Variants in AKAP12 observed in about 807,000 individuals in gnomAD.
The protein encoded by AKAP12 is A-kinase anchor protein 12.
Under a neutral mutation model 79.9 loss-of-function variants are expected in AKAP12, and 32 were observed. That is an observed-to-expected ratio of 0.40 (90% CI 0.30 to 0.54). AKAP12 has a LOEUF of 0.54. Among genes scored for constraint, AKAP12 ranks in the 20% least tolerant of loss-of-function variants. AKAP12 has a pLI of 0.48. For missense variants in AKAP12, 2,074 were observed against 2,177.0 expected, an observed-to-expected ratio of 0.95 and a Z score of 0.94; for synonymous variants, 808 against 857.0, an observed-to-expected ratio of 0.94 and a Z score of 1.00.
chr6:151,333,739 CAAA>C (rs11292037), intron 3 of AKAP12, among the ~76,000 whole-genome samples: 10 of 125,116 alleles, frequency 8.0e-5, no homozygotes, highest in Admixed American at 8.6e-5. Flanking sequence ...ACTGTGACTT[CAAA>C]AAAAAAAAAA....
At position 151,281,144 on chromosome 6, in the gene AKAP12, C is replaced by T. The variant is rs141326737; in HGVS notation, c.163-24603C>T. ...GTAGAAGGGGCATGTGCGTGGTGTT[C>T]AGGATGTGGATTTGAATCCCCAACT... On this transcript the variant is annotated intron_variant, in intron 2 of 4. Coordinates refer to ENST00000402676, the MANE Select transcript of AKAP12 (RefSeq NM_005100.4). Among the ~76,000 whole-genome samples, 495 of 152,254 alleles carry T rather than the reference C, an allele frequency of 3.3e-3. 1 individual carries two copies. Among genetic ancestry groups the T allele is most frequent in the Non-Finnish European group, 5.6e-3 (381 of 68,012 alleles).
chr6:151,343,904 A>T, intron 3 of AKAP12: 2 of 439,722 alleles, frequency 4.5e-6, no homozygotes, highest in Non-Finnish European at 8.5e-6. Context: ...AGAAACTTAA[A>T]GCATTTTCTT....
At chr6:151,277,259 G>A (rs1308563078) in intron 2 of AKAP12, among the ~76,000 whole-genome samples, 2 of 152,194 alleles carry the variant, frequency 1.3e-5, no homozygotes, top group Admixed American at 1.3e-4. Flanking sequence ...AGTTATGAAT[G>A]TCACGTAGAC....
intron 3 of AKAP12, among the ~76,000 whole-genome samples, chr6:151,315,908 C>A (rs1777222929): frequency 6.6e-6 from 1 of 152,080 alleles, no homozygotes; most frequent in African/African-American, 2.4e-5. Context: ...CTTATAAAAC[C>A]ACCAGATCTC....
At chr6:151,354,321 G>C (rs1221117944) in intron 4 of AKAP12, among the ~76,000 whole-genome samples, 1 of 130,540 alleles carries the variant, frequency 7.7e-6, no homozygotes, top group Non-Finnish European at 1.5e-5. Context: ...GACCCTCACT[G>C]TGTTAGTTAC....
chr6:151,268,614 G>A (rs1776105419), intron 2 of AKAP12, among the ~76,000 whole-genome samples: 1 of 152,070 alleles, frequency 6.6e-6, no homozygotes, highest in African/African-American at 2.4e-5. Flanking sequence ...TTCCATTTTG[G>A]AAAAGACTTG....
Position 151,351,676 on chromosome 6 carries a change from A to G in AKAP12, c.3285A>G (p.Lys1095=), listed in dbSNP as rs1199282235. ...AGAAAGAGACGGATGTAGTGTTGAA[A>G]GTAGATGCTCAGGAGGCAAAAACTG... ...GLKKETDVVL[K]VDAQEAKTEP... is the part of the protein sequence containing the mutation. Residue 1095 remains lysine, a synonymous_variant, in exon 4 of 5, where the codon AAA becomes AAG. Transcript: ENST00000402676. This position sits in a 1 kb window ranked among gnomAD's most constrained non-coding sequence, Gnocchi z 4.4. 2 of 1,614,082 alleles carry G rather than the reference A, an allele frequency of 1.2e-6. No individual in the cohort carries two copies. The highest frequency in any genetic ancestry group is 2.7e-5 in the African/African-American group (2 of 74,940).
At chr6:151,329,361 C>A (rs1282924581) in intron 3 of AKAP12, among the ~76,000 whole-genome samples, 2 of 152,244 alleles carry the variant, frequency 1.3e-5, no homozygotes, top group African/African-American at 2.4e-5. Context: ...GGTGATCCAC[C>A]CGCCTCAGCC....
chr6:151,280,842 T>A (rs571065613), intron 2 of AKAP12, among the ~76,000 whole-genome samples: 1 of 152,196 alleles, frequency 6.6e-6, no homozygotes, highest in South Asian at 2.1e-4. Context: ...TTAGATACTT[T>A]ACGGAATACT....
chr6:151,354,343 A>AGTTTTGTGGTAGT (rs202205433), intron 4 of AKAP12, among the ~76,000 whole-genome samples: 18,203 of 150,384 alleles, frequency 0.12, 2,216 homozygotes, highest in African/African-American at 0.31. Flanking sequence ...TGCAGTTGCT[A>AGTTTTGTGGTAGT]GTAACTCCCC....
intron 3 of AKAP12, among the ~76,000 whole-genome samples, chr6:151,316,319 G>A (rs888656787): frequency 1.3e-5 from 2 of 152,202 alleles, no homozygotes; most frequent in African/African-American, 4.8e-5. Context: ...TTAATTGAGT[G>A]AACTGGTTGC....
chr6:151,247,251 T>A (rs958551177), intron 2 of AKAP12, among the ~76,000 whole-genome samples: 2 of 151,826 alleles, frequency 1.3e-5, no homozygotes, highest in South Asian at 2.1e-4. Flanking sequence ...AAATAAAAAA[T>A]TTAGCTGGGT....
chr6:151,338,548 C>T (rs902488079), intron 3 of AKAP12, among the ~76,000 whole-genome samples: 2 of 151,830 alleles, frequency 1.3e-5, no homozygotes, highest in African/African-American at 4.8e-5. Context: ...CTCCGCCTCC[C>T]GGGTTTAAGC....
intron 2 of AKAP12, among the ~76,000 whole-genome samples, chr6:151,250,886 G>A (rs1349544839): frequency 2.6e-5 from 4 of 152,136 alleles, no homozygotes; most frequent in African/African-American, 7.2e-5. Flanking sequence ...GATTACAGGC[G>A]TGAGCCACTG....
At chr6:151,262,617 CTTCAAG>C (rs1304996916) in intron 2 of AKAP12, among the ~76,000 whole-genome samples, 3 of 130,018 alleles carry the variant, frequency 2.3e-5, no homozygotes, top group Non-Finnish European at 4.8e-5. Flanking sequence ...AGTTCAAAAA[CTTCAAG>C]TTCAAACACT....
rs916934180 is a variant in AKAP12 at position 151,350,868 on chromosome 6, C to T, written c.2477C>T (p.Ala826Val). The change falls in exon 4 of 5, where the codon GCC (alanine) becomes GTC (valine). Residue 826 changes from alanine to valine, a missense_variant. Coordinates refer to ENST00000402676, the MANE Select transcript of AKAP12 (RefSeq NM_005100.4). This position sits in a 1 kb window ranked among gnomAD's most constrained non-coding sequence, Gnocchi z 4.8. ...KKRPDGKQEQ[A>V]PVEDAGPTGA... Reference sequence around the variant, plus strand: ...AGGCCAGATGGGAAACAAGAACAAGCCCCTGTTGAAGACGCAGGGCCAACA... The same window carrying T: ...AGGCCAGATGGGAAACAAGAACAAGTCCCTGTTGAAGACGCAGGGCCAACA... The T allele has an allele frequency of 1.2e-6, 2 of 1,614,076 alleles. No homozygotes were observed. Among genetic ancestry groups the T allele is most frequent in the Non-Finnish European group, 8.5e-7 (1 of 1,180,008 alleles).
chr6:151,349,576 A>G lies in AKAP12; in HGVS notation c.1185A>G (p.Lys395=). Residue 395 remains lysine, a synonymous_variant, in exon 4 of 5, where the codon AAA becomes AAG. Transcript: ENST00000402676. Reference sequence around the variant, plus strand: ...GCTCGCAGGGACCTTCTGAAGAGAAACCTGCTCCGTTGGCGACAGAAGTGT... The same window carrying G: ...GCTCGCAGGGACCTTCTGAAGAGAAGCCTGCTCCGTTGGCGACAGAAGTGT... ...VSGSQGPSEE[K]PAPLATEVFD... is the part of the protein sequence containing the mutation. 1 of 1,611,000 alleles carries G rather than the reference A, an allele frequency of 6.2e-7. No individual in the cohort carries two copies. Among genetic ancestry groups the G allele is most frequent in the Non-Finnish European group, 8.5e-7 (1 of 1,179,174 alleles).
intron 3 of AKAP12, among the ~76,000 whole-genome samples, chr6:151,331,730 A>G (rs1777670459): frequency 6.6e-6 from 1 of 151,858 alleles, no homozygotes; most frequent in African/African-American, 2.4e-5. Context: ...CTAAAAATAC[A>G]AAAAATTAGC....
At chr6:151,354,404 C>G (rs1255159458) in intron 4 of AKAP12, among the ~76,000 whole-genome samples, 4 of 149,956 alleles carry the variant, frequency 2.7e-5, no homozygotes, top group Admixed American at 6.7e-5. Flanking sequence ...GACGGAGTCT[C>G]GCTCTGTCAT....
Sources: allele counts gnomAD v4.1 joint callset (sites outside exome capture counted in the v4.1 genomes callset), GRCh38; gene constraint gnomAD v4.1.1; non-coding constraint Gnocchi (gnomAD v3.1); transcripts MANE v1.5; gene names NCBI Gene and HGNC (gene_info 2026-07-23, HGNC 2026-07-21).